The following C2orf42 variants were observed in gnomAD, a reference collection of about 807,000 sequenced individuals.
C2orf42 encodes uncharacterized protein C2orf42.
C2orf42 carries 44 observed loss-of-function variants against 58.9 expected under a neutral mutation model. The ratio of observed to expected loss-of-function variants is 0.75; its 90% CI spans 0.59 to 0.96. The LOEUF (loss-of-function observed/expected upper bound fraction) is 0.96. Among genes scored for constraint, C2orf42 ranks in the 40% least tolerant of loss-of-function variants. The pLI is 0.00. For synonymous variants in C2orf42, 239 were observed against 265.4 expected, an observed-to-expected ratio of 0.90 and a Z score of 0.97; for missense variants, 630 against 699.2, an observed-to-expected ratio of 0.90 and a Z score of 1.12.
chr2:70,157,955 C>G (rs1193330140), intron 9 of C2orf42, among the ~76,000 whole-genome samples: 1 of 152,026 alleles, frequency 6.6e-6, no homozygotes, highest in East Asian at 1.9e-4. Flanking sequence ...AATCCCAGCA[C>G]TTTGGGAGGC....
intron 6 of C2orf42, among the ~76,000 whole-genome samples, chr2:70,167,188 C>G (rs1294762645): frequency 6.6e-6 from 1 of 151,864 alleles, no homozygotes; most frequent in Non-Finnish European, 1.5e-5. Flanking sequence ...GAAACTCCAT[C>G]TCTACTAAAA....
At position 70,181,817 on chromosome 2, in the gene C2orf42, T is replaced by C. The variant is rs1359468259; in HGVS notation, c.169A>G (p.Lys57Glu). ...CGTIFRYGARKQPSVEAVKII... is the reference protein window; with the variant it reads ...CGTIFRYGAREQPSVEAVKII... ...TTGACAGCTTCAACACTAGGCTGCT[T>C]GCGTGCACCGTAGCGGAATATGGTT... Residue 57 changes from lysine to glutamate, a missense_variant, in exon 3 of 10, where the codon AAG (lysine) becomes GAG (glutamate). Physicochemically the swap from Lys to Glu is moderately conservative, Grantham distance 56 (BLOSUM62 1). Coordinates refer to ENST00000264434, the MANE Select transcript of C2orf42 (RefSeq NM_017880.3). 4.3e-6 allele frequency: 7 copies of C among 1,614,074 alleles called. No individual in the cohort carries two copies. The highest frequency in any genetic ancestry group is 5.9e-6 in the Non-Finnish European group (7 of 1,180,040).
At chr2:70,163,804 C>T (rs561745045) in intron 8 of C2orf42, among the ~76,000 whole-genome samples, 110 of 152,002 alleles carry the variant, frequency 7.2e-4, no homozygotes, top group African/African-American at 2.5e-3. Flanking sequence ...GAGCCGAGAT[C>T]GTGCCACTGC....
chr2:70,185,648 G>C (rs1674876565), intron 1 of C2orf42, among the ~76,000 whole-genome samples: 1 of 151,822 alleles, frequency 6.6e-6, no homozygotes, highest in South Asian at 2.1e-4. Context: ...GAGGCAGAGA[G>C]GTTGCAGTGA....
At chr2:70,187,751 C>T (rs1159605290) in intron 1 of C2orf42, among the ~76,000 whole-genome samples, 2 of 151,984 alleles carry the variant, frequency 1.3e-5, no homozygotes, top group East Asian at 1.9e-4. Context: ...AGTGCAGTGG[C>T]GTGATCTCAC....
intron 3 of C2orf42, 129 bp from the exon 4 acceptor site, chr2:70,179,771 T>C (rs1019253398): frequency 2.3e-6 from 1 of 435,916 alleles, no homozygotes; most frequent in Non-Finnish European, 4.1e-6. Context: ...CTGGGCAACA[T>C]AGGCAGACCC....
rs78233286 is a variant in C2orf42, at chr2:70,174,578, G to A, written c.1039+1095C>T. Among the ~76,000 whole-genome samples the A allele has an allele frequency of 6.5e-3, 988 of 152,160 alleles. 6 individuals carry two copies. Among genetic ancestry groups the A allele is most frequent in the African/African-American group, 0.023 (940 of 41,530 alleles). On this transcript the variant is annotated intron_variant, in intron 5 of 9. Coordinates refer to ENST00000264434, the MANE Select transcript of C2orf42 (RefSeq NM_017880.3). Reference sequence around the variant, plus strand: ...AATTTTAGGGCATGTGTAGACTTGTGTGACCAACACCACAGTCAAGACATA... The same window carrying A: ...AATTTTAGGGCATGTGTAGACTTGTATGACCAACACCACAGTCAAGACATA...
At chr2:70,189,701 G>GC (rs1675204523) in intron 1 of C2orf42, among the ~76,000 whole-genome samples, 1 of 139,238 alleles carries the variant, frequency 7.2e-6, no homozygotes, top group East Asian at 2.1e-4. Flanking sequence ...CTGGGCGACA[G>GC]CGAGACTCCG....
At chr2:70,188,194 A>C (rs1413500048) in intron 1 of C2orf42, among the ~76,000 whole-genome samples, 1 of 150,550 alleles carries the variant, frequency 6.6e-6, no homozygotes, top group African/African-American at 2.4e-5. Context: ...TTTTTATTTT[A>C]TTTATTTTTT....
rs1285057836 is a variant in C2orf42, at chr2:70,150,035, A to C, written c.*321T>G. 2 of 357,548 alleles carry C rather than the reference A, an allele frequency of 5.6e-6. No individual in the cohort carries two copies. Among genetic ancestry groups the C allele is most frequent in the African/African-American group, 2.1e-5 (1 of 47,720 alleles). The allele number at this position is 357,548 out of a possible 1,614,324, so 22.1% of individuals were successfully genotyped here. Reference sequence around the variant, plus strand: ...TGGCTGAGTGCTGCAGATTTCTCAGAGAATTAGCAAAAGGTTGAAATAAAC... The same window carrying C: ...TGGCTGAGTGCTGCAGATTTCTCAGCGAATTAGCAAAAGGTTGAAATAAAC... On this transcript the variant is annotated 3_prime_UTR_variant, in exon 10 of 10. Coordinates refer to ENST00000264434, the MANE Select transcript of C2orf42 (RefSeq NM_017880.3).
rs1672217384 is a variant in C2orf42, at chr2:70,150,181, T to C, written c.*175A>G. 2 of 616,560 alleles carry C rather than the reference T, an allele frequency of 3.2e-6. No homozygotes were observed. Among genetic ancestry groups the C allele is most frequent in the South Asian group, 3.9e-5 (2 of 51,654 alleles). 38.2% of individuals were successfully genotyped at this position (616,560 alleles called of 1,614,324 possible). On this transcript the variant is annotated 3_prime_UTR_variant, in exon 10 of 10. Transcript: ENST00000264434. ...CTGTACACAGCAGCATCAAAAAGGC[T>C]ATTTACAAGAGATTTTCTTCAACAG... is the stretch of plus-strand genomic sequence containing the variant.
intron 9 of C2orf42, among the ~76,000 whole-genome samples, chr2:70,158,900 C>CTTT (rs34839050): frequency 2.4e-4 from 25 of 106,280 alleles, no homozygotes; most frequent in African/African-American, 4.2e-4. Context: ...CCGAGTATTC[C>CTTT]TTTTTTTTTT....
chr2:70,156,027 T>C (rs1274049436), intron 9 of C2orf42, among the ~76,000 whole-genome samples: 2 of 151,822 alleles, frequency 1.3e-5, no homozygotes, highest in African/African-American at 4.8e-5. Context: ...TGGTGGCACA[T>C]GCCTGTAATC....
Position 70,181,430 on chromosome 2 carries a change from T to C in C2orf42, c.556A>G (p.Lys186Glu), listed in dbSNP as rs777005211. 11 of 1,614,002 alleles carry C rather than the reference T, an allele frequency of 6.8e-6. No individual in the cohort carries two copies. The highest frequency in any genetic ancestry group is 6.8e-6 in the Non-Finnish European group (8 of 1,180,020). ...TTGCATTTCACCACCAAGATGTTTT[T>C]AGTAATTCTCTGCACCAGAGGACCT... Reference protein sequence around the residue: ...PTGPLVQRITKNILVVKCKAS... With the variant: ...PTGPLVQRITENILVVKCKAS... Residue 186 changes from lysine to glutamate, a missense_variant, in exon 3 of 10, where the codon AAA becomes GAA. Physicochemically the swap from Lys to Glu is moderately conservative, Grantham distance 56. Coordinates refer to ENST00000264434, the MANE Select transcript of C2orf42 (RefSeq NM_017880.3).
chr2:70,187,137 A>G (rs938455803), intron 1 of C2orf42, among the ~76,000 whole-genome samples: 1 of 152,008 alleles, frequency 6.6e-6, no homozygotes, highest in African/African-American at 2.4e-5. Context: ...CAAAAAAAAA[A>G]CCTTTCTGTC....
intron 9 of C2orf42, among the ~76,000 whole-genome samples, chr2:70,154,797 C>CTAG (rs57092230): frequency 0.015 from 2,297 of 152,150 alleles, 51 homozygotes; most frequent in African/African-American, 0.053. Context: ...GCTCTGTCAC[C>CTAG]TAGGCTGGAG....
At chr2:70,168,166 G>A (rs1185961781) in intron 6 of C2orf42, among the ~76,000 whole-genome samples, 2 of 151,704 alleles carry the variant, frequency 1.3e-5, no homozygotes, top group Non-Finnish European at 2.9e-5. Flanking sequence ...CCTGGGAGGT[G>A]GAGATTACAG....
intron 8 of C2orf42, among the ~76,000 whole-genome samples, chr2:70,163,047 T>C (rs1394467619): frequency 6.6e-6 from 1 of 151,164 alleles, no homozygotes; most frequent in Non-Finnish European, 1.5e-5. Context: ...TTTGTATTTT[T>C]AGTTGTGACG....
Position 70,181,580 on chromosome 2 carries a change from T to C in C2orf42, c.406A>G (p.Ile136Val), listed in dbSNP as rs770392058. The C allele has an allele frequency of 6.2e-7, 1 of 1,614,136 alleles. No individual in the cohort carries two copies. Among genetic ancestry groups the C allele is most frequent in the Non-Finnish European group, 8.5e-7 (1 of 1,180,016 alleles). Residue 136 changes from isoleucine (I) to valine (V), a missense_variant, in exon 3 of 10, where the codon ATC becomes GTC. By Grantham distance (29) the Ile-to-Val change is conservative. Coordinates refer to ENST00000264434, the MANE Select transcript of C2orf42 (RefSeq NM_017880.3). The stretch of plus-strand genomic sequence containing the variant: ...GCCTGGCAGTTCACCGCCAGCTTGA[T>C]GTGCTGGCACTGGTTTTCCACAACG... Reference protein sequence around the residue: ...QGVVENQCQHIKLAVNCQAEA... With the variant: ...QGVVENQCQHVKLAVNCQAEA...
Sources: gnomAD v4.1 joint callset for allele counts (sites outside exome capture counted in the v4.1 genomes callset) on GRCh38, gnomAD v4.1.1 for gene constraint, MANE v1.5 for transcripts, NCBI Gene and HGNC (gene_info 2026-07-23, HGNC 2026-07-21) for gene names.